The following NFIA variants were observed in gnomAD, a reference collection of about 807,000 sequenced individuals.
NFIA encodes the protein nuclear factor I A.
A neutral mutation model predicts 62.8 loss-of-function variants in NFIA; 8 were observed. That is an observed-to-expected ratio of 0.13 (90% CI 0.07 to 0.23). The LOEUF is 0.23. Among genes scored for constraint, NFIA ranks in the 10% least tolerant of loss-of-function variants. NFIA has a pLI of 1.00. For missense variants in NFIA, 410 were observed against 642.1 expected (o/e 0.64, Z 3.91); for synonymous variants, 235 against 238.1 (o/e 0.99, Z 0.12).
At chr1:61,308,614 G>T (rs1316418315) in intron 3 of NFIA, among the ~76,000 whole-genome samples, 1 of 152,104 alleles carries the variant, frequency 6.6e-6, no homozygotes, top group Non-Finnish European at 1.5e-5. Context: ...GGAAGAAGAT[G>T]GGCTTGGAAA....
At chr1:61,178,620 T>C (rs185143798) in intron 2 of NFIA, among the ~76,000 whole-genome samples, 2 of 152,334 alleles carry the variant, frequency 1.3e-5, no homozygotes, top group East Asian at 1.9e-4. Flanking sequence ...TGCAGCCTTA[T>C]TGGAAGTCAT....
intron 4 of NFIA, among the ~76,000 whole-genome samples, chr1:61,348,596 G>A (rs1055152606): frequency 1.3e-5 from 2 of 152,128 alleles, no homozygotes; most frequent in African/African-American, 4.8e-5. Context: ...TCTGGAAGGT[G>A]GGCACACCAT....
Position 61,456,283 on chromosome 1 carries a change from A to G in NFIA, c.*963A>G, listed in dbSNP as rs1668295891. 6.6e-6 allele frequency: 1 copy of G among 152,564 alleles called. No homozygotes were observed. Among genetic ancestry groups the G allele is most frequent in the Admixed American group, 6.5e-5 (1 of 15,268 alleles). 9.5% of individuals were successfully genotyped at this position (152,564 alleles called of 1,614,324 possible). On this transcript the variant is annotated 3_prime_UTR_variant, in exon 11 of 11. Transcript: ENST00000403491. ...CCCCAGGACTCTAAATTATTGGGGT[A>G]AAAAACAGCCTTGCAAGAAAAAGGG...
chr1:61,167,169 A>G (rs970015099), intron 2 of NFIA, among the ~76,000 whole-genome samples: 1 of 152,208 alleles, frequency 6.6e-6, no homozygotes, highest in Non-Finnish European at 1.5e-5. Flanking sequence ...ATATTTTCCC[A>G]TAAGACATTT....
intron 3 of NFIA, among the ~76,000 whole-genome samples, chr1:61,316,512 C>T (rs1660374092): frequency 6.6e-6 from 1 of 152,104 alleles, no homozygotes; most frequent in South Asian, 2.1e-4. Context: ...ATGTTGCTGG[C>T]ATTCAGTGGT....
In NFIA at chr1:61,180,546, C is replaced by T. The variant is rs569340609; in HGVS notation, c.559+91866C>T. Among the ~76,000 whole-genome samples the T allele has an allele frequency of 8.6e-4, 131 of 152,250 alleles. No individual in the cohort carries two copies. In the Middle Eastern group the frequency reaches 0.01, roughly 12 times the overall value. ...CTTTATTACCAAGAGAGAAGAGTAGCTTTTAGTTGTGGCTTAGCTGGAATA... is the reference window on the plus strand; with the variant it reads ...CTTTATTACCAAGAGAGAAGAGTAGTTTTTAGTTGTGGCTTAGCTGGAATA... On this transcript the variant is annotated intron_variant, in intron 2 of 10. Transcript: ENST00000403491.
At chr1:61,320,372 T>C (rs1660617955) in intron 3 of NFIA, among the ~76,000 whole-genome samples, 1 of 152,158 alleles carries the variant, frequency 6.6e-6, no homozygotes, top group African/African-American at 2.4e-5. Flanking sequence ...TTAATAAACA[T>C]GGTGAATTTT....
intron 2 of NFIA, among the ~76,000 whole-genome samples, chr1:61,131,844 C>G (rs1647085425): frequency 6.6e-6 from 1 of 152,052 alleles, no homozygotes; most frequent in Admixed American, 6.6e-5. Flanking sequence ...GTTTTTCATA[C>G]ATTGAAGCCT....
intron 2 of NFIA, among the ~76,000 whole-genome samples, chr1:61,264,230 C>T (rs570451551): frequency 1.1e-4 from 17 of 152,220 alleles, no homozygotes; most frequent in African/African-American, 4.1e-4. Flanking sequence ...AAGTTCCAAT[C>T]GCCCTCTTGG....
intron 2 of NFIA, among the ~76,000 whole-genome samples, chr1:61,164,348 A>G (rs915218408): frequency 1.3e-5 from 2 of 152,200 alleles, no homozygotes; most frequent in Admixed American, 1.3e-4. Context: ...CAGAAACTAC[A>G]CAGGAGACAT....
chr1:61,341,734 T>C (rs952290787), intron 4 of NFIA, among the ~76,000 whole-genome samples: 20 of 152,232 alleles, frequency 1.3e-4, no homozygotes, highest in Admixed American at 3.9e-4. Context: ...TGCCTTGGCC[T>C]CCCAAAGTGC....
chr1:61,175,434 G>A lies in NFIA; in HGVS notation c.559+86754G>A, dbSNP rs186979797. On this transcript the variant is annotated intron_variant, in intron 2 of 10. Transcript: ENST00000403491. ...TGGGATTAGAGTCATGAGCCACAGC[G>A]CCTGGCCCTTATCATGATTTTGAGT... 7.4e-3 allele frequency among the ~76,000 whole-genome samples: 1,120 copies of A among 152,254 alleles called. 5 individuals carry two copies. The highest frequency in any genetic ancestry group is 0.024 in the Middle Eastern group (7 of 294).
rs1430821314 is a variant in NFIA, at chr1:61,332,546, A to G, written c.660A>G (p.Ser220=). 5 of 1,613,852 alleles carry G rather than the reference A, an allele frequency of 3.1e-6. No individual in the cohort carries two copies. In the East Asian group the frequency reaches 1.1e-4, roughly 36 times the overall value. The change falls in exon 4 of 11, where the codon TCA becomes TCG. Residue 220 remains serine, a synonymous_variant. Coordinates refer to ENST00000403491, the MANE Select transcript of NFIA (RefSeq NM_001134673.4). ...GCTTCCAGGACAGTTTTGTCACATC[A>G]GGTGTTTTTAGTGTCACTGAGCTAG... The part of the protein sequence containing the change: ...HLGFQDSFVT[S]GVFSVTELVR...
intron 3 of NFIA, among the ~76,000 whole-genome samples, chr1:61,317,987 T>C (rs74086725): frequency 0.055 from 8,385 of 152,158 alleles, 787 homozygotes; most frequent in African/African-American, 0.19. Context: ...TCTGTAATAC[T>C]GCCCCTCCTA....
chr1:61,121,424 C>T (rs1646885394), intron 2 of NFIA, among the ~76,000 whole-genome samples: 1 of 152,088 alleles, frequency 6.6e-6, no homozygotes, highest in African/African-American at 2.4e-5. Flanking sequence ...AATGCGTGCA[C>T]AGGAAATCAG....
intron 2 of NFIA, among the ~76,000 whole-genome samples, chr1:61,233,844 G>A (rs895524854): frequency 6.6e-6 from 1 of 152,148 alleles, no homozygotes; most frequent in Non-Finnish European, 1.5e-5. Flanking sequence ...CCTTGGGAGG[G>A]TGTTTGGCCA....
intron 2 of NFIA, among the ~76,000 whole-genome samples, chr1:61,180,519 G>A (rs906021875): frequency 3.3e-5 from 5 of 152,164 alleles, no homozygotes; most frequent in East Asian, 1.9e-4. Context: ...TGGTGAATAC[G>A]ACTTTATTAC....
intron 2 of NFIA, among the ~76,000 whole-genome samples, chr1:61,160,695 A>G (rs1380301557): frequency 1.3e-5 from 2 of 152,230 alleles, no homozygotes; most frequent in Non-Finnish European, 2.9e-5. Flanking sequence ...GGGCTGCTTT[A>G]GTAGCCCACA....
chr1:61,219,231 C>CA (rs36000081), intron 2 of NFIA, among the ~76,000 whole-genome samples: 7,966 of 134,988 alleles, frequency 0.059, 234 homozygotes, highest in Non-Finnish European at 0.079. Context: ...AACTCAGTCT[C>CA]AAAAAAAAAA....
Sources: allele counts gnomAD v4.1 joint callset (sites outside exome capture counted in the v4.1 genomes callset), GRCh38; gene constraint gnomAD v4.1.1; transcripts MANE v1.5; gene names NCBI Gene and HGNC (gene_info 2026-07-23, HGNC 2026-07-21).